SHB: variants seen among roughly 807,000 people sequenced by gnomAD.
SHB encodes the protein SH2 domain-containing adapter protein B.
Under a neutral mutation model 52.3 loss-of-function variants are expected in SHB, and 20 were observed. The observed-to-expected ratio is 0.38, with a 90% confidence interval of 0.27 to 0.56. The LOEUF (loss-of-function observed/expected upper bound fraction) is 0.56, where lower values mean the gene tolerates loss of function less well. SHB is among the 20% of genes least tolerant of loss of function. The probability of loss-of-function intolerance (pLI) is 0.71; values close to 1 mark genes in which losing one functional copy is unlikely to be tolerated. For missense variants in SHB, 825 were observed against 723.3 expected (o/e 1.14, Z -1.61); for synonymous variants, 397 against 316.5 (o/e 1.25, Z -2.70).
chr9:37,972,221 C>T (rs544684341), intron 3 of SHB, among the ~76,000 whole-genome samples: 2 of 152,276 alleles, frequency 1.3e-5, no homozygotes, highest in South Asian at 2.1e-4. Context: ...GCCTTTTTAG[C>T]CCTTTAATCA....
rs146501603 is a variant in SHB at position 38,045,965 on chromosome 9, G to A, written c.717+21964C>T. Among the ~76,000 whole-genome samples the A allele has an allele frequency of 1.2e-3, 187 of 152,246 alleles. 4 individuals carry two copies. The East Asian group carries it at 0.02, about 16-fold the overall frequency. ...GAGGCACCAGGCACAGGTGGCTCAC[G>A]CCTGTAATCCTAGCACTTTGGGAGG... On this transcript the variant is annotated intron_variant, in intron 1 of 5. Transcript: ENST00000377707.
chr9:37,978,805 G>A (rs922899769), intron 2 of SHB, among the ~76,000 whole-genome samples: 2 of 152,196 alleles, frequency 1.3e-5, no homozygotes, highest in Admixed American at 6.5e-5. Flanking sequence ...GGATTATCGC[G>A]TAATTATTTT....
intron 3 of SHB, among the ~76,000 whole-genome samples, chr9:37,970,615 C>A (rs1350832518): frequency 6.6e-6 from 1 of 152,198 alleles, no homozygotes; most frequent in African/African-American, 2.4e-5. Flanking sequence ...CTTCCCCTCT[C>A]CCTGTCTCTG....
chr9:38,068,242 C>T lies in SHB; in HGVS notation c.404G>A (p.Gly135Asp). 2 of 1,401,736 alleles carry T rather than the reference C, an allele frequency of 1.4e-6. No individual in the cohort carries two copies. The highest frequency in any genetic ancestry group is 1.8e-6 in the Non-Finnish European group (2 of 1,090,106). The allele number at this position is 1,401,736 out of a possible 1,614,324, so 86.8% of individuals were successfully genotyped here. The change falls in exon 1 of 6, where the codon GGC becomes GAC. Residue 135 changes from glycine to aspartate, a missense_variant. Gly to Asp is a moderately conservative substitution (Grantham distance 94). Transcript: ENST00000377707. ...GGAGGCGCAGCAACAGCCCGCGGCG[C>T]CCGACGCGGACGAGGCCGAGAAGGC... ...QRAFSASSASGAAGCCCASSG... is the reference protein window; with the variant it reads ...QRAFSASSASDAAGCCCASSG...
intron 2 of SHB, among the ~76,000 whole-genome samples, chr9:38,010,050 C>G (rs974281022): frequency 5.3e-5 from 8 of 152,272 alleles, no homozygotes; most frequent in Non-Finnish European, 1.0e-4. Flanking sequence ...CTAAATTTTC[C>G]AATTATTCCT....
chr9:38,022,619 G>T (rs924044144), intron 1 of SHB, among the ~76,000 whole-genome samples: 1 of 152,074 alleles, frequency 6.6e-6, no homozygotes, highest in Non-Finnish European at 1.5e-5. Context: ...TCCTCCTTTG[G>T]GACCCCCCCA....
At chr9:38,034,150 C>A (rs1031572939) in intron 1 of SHB, among the ~76,000 whole-genome samples, 2 of 152,208 alleles carry the variant, frequency 1.3e-5, no homozygotes, top group Admixed American at 6.5e-5. Context: ...TCTCACCCTG[C>A]GGGCAAGCCC....
chr9:37,969,767 G>T (rs1427134503), intron 3 of SHB, among the ~76,000 whole-genome samples: 1 of 152,222 alleles, frequency 6.6e-6, no homozygotes, highest in East Asian at 1.9e-4. Flanking sequence ...CAACCAGGTA[G>T]ACCTGCCACA....
At chr9:37,992,263 T>C (rs1477361851) in intron 2 of SHB, among the ~76,000 whole-genome samples, 1 of 151,912 alleles carries the variant, frequency 6.6e-6, no homozygotes, top group Non-Finnish European at 1.5e-5. Context: ...TAGCCAGGTG[T>C]GGTGGTGGTC....
Position 38,068,128 on chromosome 9 carries a change from G to T in SHB, c.518C>A (p.Pro173Gln). ...RSSSERRPATPAEVRYISPKH... is the reference protein window; with the variant it reads ...RSSSERRPATQAEVRYISPKH... ...GGGGGAGATGTAGCGCACCTCGGCC[G>T]GCGTGGCGGGCCGCCGCTCGCTGCT... The change falls in exon 1 of 6, where the codon CCG (proline) becomes CAG (glutamine). Residue 173 changes from proline (P) to glutamine (Q), a missense_variant. Transcript: ENST00000377707. The T allele has an allele frequency of 1.4e-6, 2 of 1,438,210 alleles. No individual in the cohort carries two copies. 89.1% of individuals were successfully genotyped at this position (1,438,210 alleles called of 1,614,324 possible).
intron 1 of SHB, among the ~76,000 whole-genome samples, chr9:38,054,082 G>T (rs889864088): frequency 6.6e-6 from 1 of 152,202 alleles, no homozygotes. Context: ...CAGGCCCAGA[G>T]AATTTTATCA....
In SHB at chr9:38,030,475, AT is replaced by A. The variant is rs1821399932; in HGVS notation, c.718-14345del. Among the ~76,000 whole-genome samples the A allele has an allele frequency of 2.0e-5, 3 of 152,344 alleles. No homozygotes were observed. The South Asian group carries it at 6.2e-4, about 32-fold the overall frequency. On this transcript the variant is annotated intron_variant, in intron 1 of 5. Transcript: ENST00000377707. Reference sequence around the variant, plus strand: ...GCAGAGGAAATGCTCTAAGTCAGGCATAACGGGGATTTTAAGAGGCCGGGCC... The same window carrying A: ...GCAGAGGAAATGCTCTAAGTCAGGCAAACGGGGATTTTAAGAGGCCGGGCC...
intron 1 of SHB, among the ~76,000 whole-genome samples, chr9:38,044,383 T>G (rs1392193132): frequency 1.3e-5 from 2 of 152,222 alleles, no homozygotes. Flanking sequence ...CTAATTCATT[T>G]ATTCATCTAT....
At chr9:37,996,365 T>C (rs1035145482) in intron 2 of SHB, among the ~76,000 whole-genome samples, 2 of 152,184 alleles carry the variant, frequency 1.3e-5, no homozygotes, top group East Asian at 3.9e-4. Context: ...CAGGGAGAAA[T>C]AGCACATAGC....
At chr9:37,957,178 G>A (rs1420689239) in intron 3 of SHB, among the ~76,000 whole-genome samples, 2 of 152,192 alleles carry the variant, frequency 1.3e-5, no homozygotes, top group African/African-American at 2.4e-5. Context: ...GGTTCCTGAA[G>A]CCGAGGCCAG....
chr9:38,052,703 A>G (rs1821766510), intron 1 of SHB, among the ~76,000 whole-genome samples: 1 of 152,188 alleles, frequency 6.6e-6, no homozygotes, highest in African/African-American at 2.4e-5. Context: ...GTGTCCCTAA[A>G]GCATGAGGCT....
chr9:37,974,759 T>C lies in SHB; in HGVS notation c.917A>G (p.Gln306Arg). The C allele has an allele frequency of 1.2e-6, 2 of 1,614,194 alleles. No homozygotes were observed. Among genetic ancestry groups the C allele is most frequent in the Non-Finnish European group, 1.7e-6 (2 of 1,180,004 alleles). ...GCTCTCCGAGTCTGAGTCAACACTT[T>C]GGCCTTCAGGTTCGTAAGGGGTGTC... ...LYDTPYEPEG[Q>R]SVDSDSESTV... The change falls in exon 3 of 6, where the codon CAA (glutamine) becomes CGA (arginine). Residue 306 changes from glutamine (Q) to arginine (R), a missense_variant. By Grantham distance (43) the Gln-to-Arg change is conservative. Transcript: ENST00000377707.
intron 2 of SHB, among the ~76,000 whole-genome samples, chr9:37,999,067 G>A (rs957655770): frequency 3.3e-5 from 5 of 152,204 alleles, no homozygotes; most frequent in Non-Finnish European, 5.9e-5. Context: ...GACAGTGAGC[G>A]TTTACACAGG....
chr9:38,003,456 G>A (rs956763929), intron 2 of SHB, among the ~76,000 whole-genome samples: 2 of 151,800 alleles, frequency 1.3e-5, no homozygotes, highest in African/African-American at 2.4e-5. Flanking sequence ...GCGGCTCCCC[G>A]TCCCACGAGG....
Sources: allele counts gnomAD v4.1 joint callset (sites outside exome capture counted in the v4.1 genomes callset), GRCh38; gene constraint gnomAD v4.1.1; transcripts MANE v1.5; gene names NCBI Gene and HGNC (gene_info 2026-07-23, HGNC 2026-07-21).